Variants in TBC1D9 observed in about 807,000 individuals in gnomAD.
TBC1D9 encodes TBC1 domain family member 9.
TBC1D9 carries 63 observed loss-of-function variants against 132.0 expected under a neutral mutation model. That is an observed-to-expected ratio of 0.48 (90% confidence interval 0.39 to 0.59). TBC1D9 has a LOEUF of 0.59. TBC1D9 is among the 20% of genes least tolerant of loss of function. The pLI is 0.00. For missense variants in TBC1D9, 1,261 were observed against 1,592.7 expected, an observed-to-expected ratio of 0.79 and a Z score of 3.54; for synonymous variants, 610 against 609.9, an observed-to-expected ratio of 1.00 and a Z score of 0.00.
At chr4:140,645,938 C>T (rs1375020400) in intron 13 of TBC1D9, among the ~76,000 whole-genome samples, 1 of 152,210 alleles carries the variant, frequency 6.6e-6, no homozygotes, top group Non-Finnish European at 1.5e-5. Context: ...CTCAGAGAAA[C>T]AGTATGTCCC....
chr4:140,739,646 T>C (rs1403084686), intron 1 of TBC1D9, among the ~76,000 whole-genome samples: 1 of 152,226 alleles, frequency 6.6e-6, no homozygotes, highest in Non-Finnish European at 1.5e-5. Context: ...TCTATGCTAA[T>C]TATAAAATGA....
intron 9 of TBC1D9, among the ~76,000 whole-genome samples, chr4:140,663,491 C>T (rs1737397133): frequency 1.3e-5 from 2 of 152,118 alleles, no homozygotes; most frequent in African/African-American, 4.8e-5. Flanking sequence ...ATAGAGATTC[C>T]TTAAACTAAA....
At chr4:140,688,499 T>C (rs1406826798) in intron 2 of TBC1D9, among the ~76,000 whole-genome samples, 4 of 152,022 alleles carry the variant, frequency 2.6e-5, no homozygotes, top group Non-Finnish European at 5.9e-5. Flanking sequence ...TACCCTCATC[T>C]CTACAAAAAA....
At chr4:140,626,269 ACC>A (rs1736708866) in intron 18 of TBC1D9, among the ~76,000 whole-genome samples, 1 of 152,110 alleles carries the variant, frequency 6.6e-6, no homozygotes, top group Non-Finnish European at 1.5e-5. Context: ...TCCTAATTAC[ACC>A]CAATATGATA....
intron 13 of TBC1D9, chr4:140,642,483 T>C: frequency 9.5e-7 from 1 of 1,049,420 alleles, no homozygotes; most frequent in Admixed American, 2.0e-5. Flanking sequence ...CAGTTTTTGA[T>C]TTCCCCCCAG....
chr4:140,647,585 A>G (rs968164695), intron 13 of TBC1D9, among the ~76,000 whole-genome samples: 2 of 152,220 alleles, frequency 1.3e-5, no homozygotes, highest in Admixed American at 6.5e-5. Flanking sequence ...AATAATAGTA[A>G]CTAATATTAA....
chr4:140,642,186 C>A, intron 13 of TBC1D9: 1 of 763,258 alleles, frequency 1.3e-6, no homozygotes, highest in Non-Finnish European at 2.4e-6. Context: ...CAGTTTGGAG[C>A]TAGCCGGAGG....
chr4:140,742,663 T>A (rs1738777925), intron 1 of TBC1D9, among the ~76,000 whole-genome samples: 4 of 151,842 alleles, frequency 2.6e-5, no homozygotes. Flanking sequence ...CTAGTTTCAC[T>A]AGTAGAGGAT....
At chr4:140,692,171 A>G (rs1213958715) in intron 2 of TBC1D9, among the ~76,000 whole-genome samples, 1 of 152,132 alleles carries the variant, frequency 6.6e-6, no homozygotes, top group African/African-American at 2.4e-5. Context: ...GTACATTTGT[A>G]TGTGCATACA....
chr4:140,661,516 G>A (rs770876820), intron 10 of TBC1D9, among the ~76,000 whole-genome samples: 4 of 152,140 alleles, frequency 2.6e-5, no homozygotes, highest in Non-Finnish European at 4.4e-5. Context: ...TGATCAGAAG[G>A]ATCTTCTCCA....
At chr4:140,712,509 C>T (rs1738261309) in intron 1 of TBC1D9, among the ~76,000 whole-genome samples, 2 of 134,554 alleles carry the variant, frequency 1.5e-5, no homozygotes, top group Non-Finnish European at 3.1e-5. Context: ...TTGGGAGGCC[C>T]AGGCGGGCAA....
Position 140,622,307 on chromosome 4 carries a change from A to G in TBC1D9, c.3689T>C (p.Phe1230Ser). 1 of 1,613,696 alleles carries G rather than the reference A, an allele frequency of 6.2e-7. No homozygotes were observed. ...LLTEPALVKYFDKPVCMMARI... is the reference protein window; with the variant it reads ...LLTEPALVKYSDKPVCMMARI... ...GGCCATCATGCACACGGGCTTGTCA[A>G]AGTACTTGACCAGGGCAGGCTCAGT... Residue 1230 changes from phenylalanine (F) to serine (S), a missense_variant, in exon 21 of 21, where the codon TTT becomes TCT. Physicochemically the swap from Phe to Ser is radical, Grantham distance 155. This residue lies in a region of TBC1D9 where 618 missense variants were observed against 724.4 expected (regional missense o/e 0.85). Coordinates refer to ENST00000442267, the MANE Select transcript of TBC1D9 (RefSeq NM_015130.3).
chr4:140,705,708 A>G (rs1445250623), intron 1 of TBC1D9, among the ~76,000 whole-genome samples: 2 of 152,176 alleles, frequency 1.3e-5, no homozygotes, highest in Non-Finnish European at 2.9e-5. Flanking sequence ...CCACTGCAAA[A>G]GCAGCAACAA....
intron 6 of TBC1D9, among the ~76,000 whole-genome samples, chr4:140,675,482 AC>A (rs2111014446): frequency 6.6e-6 from 1 of 152,266 alleles, no homozygotes; most frequent in South Asian, 2.1e-4. Flanking sequence ...TGGCCCCTGC[AC>A]TGCCCTTTCT....
At chr4:140,723,310 A>C (rs1214497726) in intron 1 of TBC1D9, among the ~76,000 whole-genome samples, 1 of 152,192 alleles carries the variant, frequency 6.6e-6, no homozygotes, top group African/African-American at 2.4e-5. Flanking sequence ...TGTCAGCCAC[A>C]GACCTGGCTT....
At chr4:140,715,755 T>C (rs1738325564) in intron 1 of TBC1D9, 2 of 152,198 alleles carry the variant, frequency 1.3e-5, no homozygotes, top group African/African-American at 4.8e-5. Context: ...CTCATCACTT[T>C]GAGGGCAAGC....
At chr4:140,643,364 G>T (rs955860913) in intron 13 of TBC1D9, 9 of 1,303,698 alleles carry the variant, frequency 6.9e-6, no homozygotes, top group African/African-American at 2.9e-5. Flanking sequence ...CACCTGGGGA[G>T]GGCAGAGGCC....
At chr4:140,666,123 TA>T (rs1431099829) in intron 9 of TBC1D9, among the ~76,000 whole-genome samples, 1 of 152,148 alleles carries the variant, frequency 6.6e-6, no homozygotes, top group African/African-American at 2.4e-5. Context: ...TATTTGGCCA[TA>T]AAAAGGAATG....
intron 1 of TBC1D9, among the ~76,000 whole-genome samples, chr4:140,724,306 T>C (rs1738466468): frequency 6.6e-6 from 1 of 152,118 alleles, no homozygotes; most frequent in Non-Finnish European, 1.5e-5. Flanking sequence ...CTGTTAATAG[T>C]TCAATAGGCA....
Sources: gnomAD v4.1 joint callset for allele counts (sites outside exome capture counted in the v4.1 genomes callset) on GRCh38, gnomAD v4.1.1 for gene constraint, gnomAD v4.1.1 regional missense constraint, MANE v1.5 for transcripts, NCBI Gene and HGNC (gene_info 2026-07-23, HGNC 2026-07-21) for gene names.